SULT1A1: variants seen among roughly 807,000 people sequenced by gnomAD.
SULT1A1 encodes sulfotransferase 1A1.
Under a neutral mutation model 36.8 loss-of-function variants are expected in SULT1A1, and 35 were observed. That is an observed-to-expected ratio of 0.95 (90% CI 0.73 to 1.26). SULT1A1 has a LOEUF of 1.26. Ranked by LOEUF, SULT1A1 falls within the 50% of genes most tolerant of loss-of-function variation. The pLI is 0.00. For missense variants in SULT1A1, 309 were observed against 383.0 expected (o/e 0.81, Z 1.61); for synonymous variants, 119 against 146.0 (o/e 0.82, Z 1.33).
At chr16:28,606,606 G>GC (rs1448795056) in intron 6 of SULT1A1, among the ~76,000 whole-genome samples, 155 bp downstream of exon 6, 5 of 132,888 alleles carry the variant, frequency 3.8e-5, no homozygotes, top group Admixed American at 3.2e-4. Flanking sequence ...GCCAGGTGGG[G>GC]CCTTAGTGGG....
chr16:28,621,506 A>AGAAGAAG (rs67255034), intron 1 of SULT1A1, among the ~76,000 whole-genome samples: 26 of 42,446 alleles, frequency 6.1e-4, no homozygotes, highest in Admixed American at 1.4e-3. Context: ...AAAAAAAAAA[A>AGAAGAAG]AAGAAGAAGA....
chr16:28,622,094 A>G (rs1044921643), intron 1 of SULT1A1, among the ~76,000 whole-genome samples: 13 of 152,030 alleles, frequency 8.6e-5, no homozygotes, highest in African/African-American at 3.1e-4. Context: ...AACCTATGCA[A>G]CCTATGCGCT....
At chr16:28,609,853 G>C in intron 1 of SULT1A1, 78 bp downstream of exon 1, 2 of 1,201,774 alleles carry the variant, frequency 1.7e-6, no homozygotes, top group Non-Finnish European at 2.1e-6. Flanking sequence ...GGATGCCAGA[G>C]GCCTCAGCTT....
rs1308021986 is a variant in SULT1A1, at chr16:28,607,064, G to A, written c.386C>T (p.Ala129Val). The change falls in exon 5 of 8, where the codon GCC becomes GTC. Residue 129 changes from alanine to valine, a missense_variant. By Grantham distance (64) the Ala-to-Val change is moderately conservative. This residue lies in a region of SULT1A1 where 219 missense variants were observed against 215.3 expected (regional missense o/e 1.02). Coordinates refer to ENST00000314752, the MANE Select transcript of SULT1A1 (RefSeq NM_001055.4). ...LDQKVKVVYVARNAKDVAVSY... is the reference protein window; with the variant it reads ...LDQKVKVVYVVRNAKDVAVSY... ...AACTGCCACATCCTTTGCGTTGCGG[G>A]CAACATAGACCACCTGCAGGGGCAG... is the stretch of plus-strand genomic sequence containing the variant. 1 of 1,612,416 alleles carries A rather than the reference G, an allele frequency of 6.2e-7. No individual in the cohort carries two copies. Among genetic ancestry groups the A allele is most frequent in the Admixed American group, 1.7e-5 (1 of 59,920 alleles).
intron 2 of SULT1A1, among the ~76,000 whole-genome samples, chr16:28,618,275 C>T (rs1252694209): frequency 2.0e-5 from 3 of 151,026 alleles, no homozygotes; most frequent in Non-Finnish European, 2.9e-5. Context: ...TGAGCTCTAC[C>T]GATCCTCTTG....
At chr16:28,620,183 TATAACA>T (rs1233619627) in intron 1 of SULT1A1, 1 of 1,547,940 alleles carries the variant, frequency 6.5e-7, no homozygotes, top group Non-Finnish European at 8.9e-7. Context: ...TAGAGTACTG[TATAACA>T]GTTCATGTTT....
At chr16:28,623,103 C>CG in intron 1 of SULT1A1, 1 of 1,470,910 alleles carries the variant, frequency 6.8e-7, no homozygotes, top group Non-Finnish European at 9.2e-7. Flanking sequence ...CTGGTCCCAC[C>CG]CCCCAGGTTC....
rs780098334 is a variant in SULT1A1, at chr16:28,606,830, G to A, written c.525C>T (p.His175=). 1.9e-5 allele frequency: 30 copies of A among 1,612,508 alleles called. No homozygotes were observed. The highest frequency in any genetic ancestry group is 5.5e-5 in the South Asian group (5 of 91,016). The change falls in exon 6 of 8, where the codon CAC becomes CAT. Residue 175 remains histidine, a synonymous_variant. Transcript: ENST00000314752. The stretch of plus-strand genomic sequence containing the variant: ...GGCTCAGCTCCCACCACTCCTGCAC[G>A]TGCTGGTACCAGGATCCGTAGGACA... ...GEVSYGSWYQ[H]VQEWWELSRT... is the part of the protein sequence containing the mutation.
upstream of SULT1A1, chr16:28,610,594 G>C (rs1356923369): frequency 4.8e-6 from 1 of 207,350 alleles, no homozygotes; most frequent in Admixed American, 5.4e-5. Context: ...GCAGAGCATG[G>C]ATGCATAGAA....
Position 28,607,041 on chromosome 16 carries a change from C to A in SULT1A1, c.409G>T (p.Val137Phe), listed in dbSNP as rs1264693620. 7 of 1,612,578 alleles carry A rather than the reference C, an allele frequency of 4.3e-6. No individual in the cohort carries two copies. The highest frequency in any genetic ancestry group is 5.1e-6 in the Non-Finnish European group (6 of 1,178,744). Residue 137 changes from valine to phenylalanine, a missense_variant, in exon 5 of 8, where the codon GTT (valine) becomes TTT (phenylalanine). Physicochemically the swap from Val to Phe is conservative, Grantham distance 50. Coordinates refer to ENST00000314752, the MANE Select transcript of SULT1A1 (RefSeq NM_001055.4). ...YVARNAKDVA[V>F]SYYHFYHMAK... ...ATGTGGTAGAAGTGGTAGTAGGAAA[C>A]TGCCACATCCTTTGCGTTGCGGGCA...
upstream of SULT1A1, chr16:28,610,980 G>A (rs2151705931): frequency 6.5e-6 from 1 of 152,684 alleles, no homozygotes; most frequent in South Asian, 2.1e-4. Context: ...GGGGGAAGCT[G>A]AGGCATGGGA....
At chr16:28,621,706 GCTC>G (rs2047659670) in intron 1 of SULT1A1, among the ~76,000 whole-genome samples, 1 of 152,016 alleles carries the variant, frequency 6.6e-6, no homozygotes, top group African/African-American at 2.4e-5. Context: ...GGAGGCCCTA[GCTC>G]CCCGGCTGTC....
At chr16:28,622,890 C>T (rs561292323) in intron 1 of SULT1A1, among the ~76,000 whole-genome samples, 158 of 152,266 alleles carry the variant, frequency 1.0e-3, no homozygotes, top group Admixed American at 2.3e-3. Context: ...ACCTCTGGCT[C>T]CCCAATTTCT....
At chr16:28,607,153 CA>C in intron 4 of SULT1A1, 76 bp from the exon 5 acceptor site, 1 of 1,592,736 alleles carries the variant, frequency 6.3e-7, no homozygotes, top group Non-Finnish European at 8.6e-7. Context: ...CTTGGATTGG[CA>C]AAGGAGGAAC....
chr16:28,617,988 T>A (rs1274574711), intron 2 of SULT1A1, among the ~76,000 whole-genome samples: 1 of 152,026 alleles, frequency 6.6e-6, no homozygotes, highest in Non-Finnish European at 1.5e-5. Context: ...GCGGTTTTGT[T>A]CATTTACAAA....
In SULT1A1 at chr16:28,608,202, C is replaced by T. The variant is rs560012634; in HGVS notation, c.372+89G>A. The T allele has an allele frequency of 3.7e-5, 57 of 1,541,308 alleles. 6 individuals are homozygous for T. The South Asian group carries it at 6.5e-4, about 18-fold the overall frequency. On this transcript the variant is annotated intron_variant, in intron 4 of 7. Coordinates refer to ENST00000314752, the MANE Select transcript of SULT1A1 (RefSeq NM_001055.4). ...AGGTTCTTCTATGTTGCTCAGGGTG[C>T]TCTCAAACTCCCAACCTCAGGTGAT...
At chr16:28,620,081 T>A (rs1369470701) in exon 2 of SULT1A1, 22 of 1,613,216 alleles carry the variant, frequency 1.4e-5, no homozygotes, top group Admixed American at 1.7e-5. Flanking sequence ...TGTTCCAGAA[T>A]TTCTGTTTCA....
rs542307361 is a variant in SULT1A1, at chr16:28,607,205, C to A, written c.373-128G>T. 50 of 1,508,368 alleles carry A rather than the reference C, an allele frequency of 3.3e-5. No individual in the cohort carries two copies. The East Asian group carries it at 3.4e-4, about 10-fold the overall frequency. The allele number at this position is 1,508,368 out of a possible 1,614,324, so 93.4% of individuals were successfully genotyped here. ...TGACTTGTTTGAGATCTCACGGCACCGGTAGGGCCAAGTCAGGAGCTGAAC... is the reference window on the plus strand; with the variant it reads ...TGACTTGTTTGAGATCTCACGGCACAGGTAGGGCCAAGTCAGGAGCTGAAC... On this transcript the variant is annotated intron_variant, in intron 4 of 7. Transcript: ENST00000314752.
In SULT1A1 at chr16:28,609,838, G is replaced by T. The variant is rs2047377173; in HGVS notation, c.-5+93C>A. 10 of 1,174,820 alleles carry T rather than the reference G, an allele frequency of 8.5e-6. No homozygotes were observed. The South Asian group carries it at 1.5e-4, about 17-fold the overall frequency. 72.8% of individuals were successfully genotyped at this position (1,174,820 alleles called of 1,614,324 possible). Reference sequence around the variant, plus strand: ...TGAAATGGGATATCCATGGGGAAAGGGCAGGGATGCCAGAGGCCTCAGCTT... The same window carrying T: ...TGAAATGGGATATCCATGGGGAAAGTGCAGGGATGCCAGAGGCCTCAGCTT... On this transcript the variant is annotated intron_variant, in intron 1 of 7. Coordinates refer to ENST00000314752, the MANE Select transcript of SULT1A1 (RefSeq NM_001055.4).
Sources: allele counts gnomAD v4.1 joint callset (sites outside exome capture counted in the v4.1 genomes callset), GRCh38; gene constraint gnomAD v4.1.1; regional missense constraint gnomAD v4.1.1; transcripts MANE v1.5; gene names NCBI Gene and HGNC (gene_info 2026-07-23, HGNC 2026-07-21).